ZWILCH: variants seen among roughly 807,000 people sequenced by gnomAD.
The protein encoded by ZWILCH is protein zwilch homolog.
In ZWILCH, 74 loss-of-function variants were observed where a neutral mutation model predicts 79.9. The ratio of observed to expected loss-of-function variants is 0.93; its 90% CI spans 0.77 to 1.12. The LOEUF (loss-of-function observed/expected upper bound fraction) is 1.12, where lower values mean the gene tolerates loss of function less well. Ranked by LOEUF, ZWILCH falls within the 50% of genes most tolerant of loss-of-function variation. ZWILCH has a pLI of 0.00. For synonymous variants in ZWILCH, 241 were observed against 228.2 expected (o/e 1.06, Z -0.51); for missense variants, 694 against 687.5 (o/e 1.01, Z -0.11).
At position 66,540,140 on chromosome 15, in the gene ZWILCH, AAAG is replaced by A. The variant is rs780951842; in HGVS notation, c.1622_1624del (p.Lys541del). ...GGAGAGTGGAAATATATAGTGGTCA[AAAG>A]AAGATTAAGACAGTTTGGCAACTGA... is the stretch of plus-strand genomic sequence containing the variant. On this transcript the variant is annotated inframe_deletion, in exon 17 of 19. Coordinates refer to ENST00000307897, the MANE Select transcript of ZWILCH (RefSeq NM_017975.5). 1.9e-6 allele frequency: 3 copies of A among 1,613,558 alleles called. No homozygotes were observed. Among genetic ancestry groups the A allele is most frequent in the East Asian group, 2.2e-5 (1 of 44,862 alleles).
chr15:66,535,242 G>C (rs1894973186), intron 14 of ZWILCH, among the ~76,000 whole-genome samples: 1 of 152,104 alleles, frequency 6.6e-6, no homozygotes, highest in Admixed American at 6.6e-5. Context: ...CCTCCTGAAG[G>C]TCCTGCCTGA....
chr15:66,514,500 AG>A (rs767673134), intron 3 of ZWILCH: 7 of 155,936 alleles, frequency 4.5e-5, no homozygotes, highest in African/African-American at 7.3e-5. Context: ...TAGTAGAGAA[AG>A]GGTTTCACCA....
At chr15:66,538,467 C>T (rs550628435) in intron 16 of ZWILCH, among the ~76,000 whole-genome samples, 39 of 152,000 alleles carry the variant, frequency 2.6e-4, no homozygotes, top group African/African-American at 8.4e-4. Flanking sequence ...ACTGCAACCA[C>T]AGCCTTCTGG....
intron 14 of ZWILCH, among the ~76,000 whole-genome samples, chr15:66,535,575 C>T (rs1234341125): frequency 6.6e-6 from 1 of 151,536 alleles, no homozygotes; most frequent in Non-Finnish European, 1.5e-5. Flanking sequence ...ACTCAGGAGG[C>T]TAAGGCGGGA....
At chr15:66,505,945 T>A (rs1399580563) in intron 1 of ZWILCH, among the ~76,000 whole-genome samples, 1 of 152,234 alleles carries the variant, frequency 6.6e-6, no homozygotes, top group African/African-American at 2.4e-5. Context: ...TTCTGCATCC[T>A]ATGTAAAAAT....
intron 2 of ZWILCH, among the ~76,000 whole-genome samples, chr15:66,513,576 CTT>C (rs1276845341): frequency 8.3e-5 from 12 of 143,724 alleles, no homozygotes; most frequent in Admixed American, 6.9e-5. Context: ...GACTCTGTCT[CTT>C]TTTTTTTTTT....
intron 14 of ZWILCH, among the ~76,000 whole-genome samples, chr15:66,535,438 G>C (rs61559663): frequency 3.0e-4 from 46 of 152,256 alleles, no homozygotes; most frequent in African/African-American, 1.1e-3. Flanking sequence ...CACTTGGGGA[G>C]GCTGAGGCAG....
intron 1 of ZWILCH, 109 bp downstream of exon 1, chr15:66,505,500 C>A: frequency 1.4e-6 from 2 of 1,391,754 alleles, no homozygotes; most frequent in Non-Finnish European, 2.0e-6. Flanking sequence ...AGCGCTTTGC[C>A]AGCTTTCCTG....
intron 17 of ZWILCH, 108 bp from the exon 18 acceptor site, chr15:66,546,483 C>T: frequency 1.9e-6 from 1 of 532,024 alleles, no homozygotes; most frequent in South Asian, 4.4e-5. Context: ...AGACACATTG[C>T]CATTTAGACC....
Position 66,509,589 on chromosome 15 carries a change from T to A in ZWILCH, c.105+697T>A, listed in dbSNP as rs921632712. Reference sequence around the variant, plus strand: ...ACCAGTTGAAGGACATTGGGTTTTTTCCAGTTTTTGATGATTATGAGAGCT... The same window carrying A: ...ACCAGTTGAAGGACATTGGGTTTTTACCAGTTTTTGATGATTATGAGAGCT... On this transcript the variant is annotated intron_variant, in intron 2 of 18. Coordinates refer to ENST00000307897, the MANE Select transcript of ZWILCH (RefSeq NM_017975.5). Among the ~76,000 whole-genome samples, 4 of 152,176 alleles carry A rather than the reference T, an allele frequency of 2.6e-5. No homozygotes were observed. The East Asian group carries it at 7.7e-4, about 29-fold the overall frequency.
chr15:66,513,642 G>A (rs995155906), intron 2 of ZWILCH, among the ~76,000 whole-genome samples: 6 of 151,672 alleles, frequency 4.0e-5, no homozygotes, highest in Admixed American at 6.6e-5. Context: ...CACGATCTCG[G>A]CTCACTGCAA....
chr15:66,538,307 C>T (rs1353056835), intron 16 of ZWILCH, among the ~76,000 whole-genome samples: 2 of 152,130 alleles, frequency 1.3e-5, no homozygotes, highest in Admixed American at 6.5e-5. Context: ...CCAGTGGATG[C>T]TTTTCAGTAA....
intron 12 of ZWILCH, among the ~76,000 whole-genome samples, chr15:66,531,671 G>A (rs1329654059): frequency 1.3e-5 from 2 of 151,378 alleles, no homozygotes; most frequent in African/African-American, 4.9e-5. Flanking sequence ...TGTCCAGGCT[G>A]GTCTCAAACT....
At chr15:66,506,486 T>C (rs574877131) in intron 1 of ZWILCH, among the ~76,000 whole-genome samples, 1 of 152,236 alleles carries the variant, frequency 6.6e-6, no homozygotes, top group South Asian at 2.1e-4. Flanking sequence ...CTGGCCAACA[T>C]GGCAAGACCC....
chr15:66,517,455 T>TATATATATATAGAGAGAGAG lies in ZWILCH; in HGVS notation c.321-1423_321-1422insTATATATATAGAGAGAGAGA, dbSNP rs1180456312. Among the ~76,000 whole-genome samples the TATATATATATAGAGAGAGAG allele has an allele frequency of 2.4e-4, 28 of 115,206 alleles. No individual in the cohort carries two copies. The East Asian group carries it at 5.1e-3, about 21-fold the overall frequency. The allele number at this position is 115,206 out of a possible 152,430, so 75.6% of individuals were successfully genotyped here. A position where few individuals can be genotyped will look rare whatever the true frequency, so the allele number is the denominator to read the frequency against. ...GTATATATATATATATATATATATA[T>TATATATATATAGAGAGAGAG]AGTAATGTACACACATACACCATTT... On this transcript the variant is annotated intron_variant, in intron 4 of 18. Transcript: ENST00000307897.
chr15:66,530,150 A>G (rs1894815018), intron 12 of ZWILCH, among the ~76,000 whole-genome samples: 1 of 152,246 alleles, frequency 6.6e-6, no homozygotes, highest in Admixed American at 6.5e-5. Flanking sequence ...GTAAATAATG[A>G]TATAGCTACA....
chr15:66,537,381 G>A (rs1249925541), intron 16 of ZWILCH, 118 bp downstream of exon 16: 6 of 622,590 alleles, frequency 9.6e-6, no homozygotes, highest in Middle Eastern at 4.7e-4. Flanking sequence ...AACATAATGA[G>A]ACCCTGTCTC....
At chr15:66,510,045 G>T (rs1893995942) in intron 2 of ZWILCH, among the ~76,000 whole-genome samples, 1 of 150,178 alleles carries the variant, frequency 6.7e-6, no homozygotes, top group South Asian at 2.1e-4. Flanking sequence ...GGGCATGGTG[G>T]CGTGTGCCTG....
intron 2 of ZWILCH, among the ~76,000 whole-genome samples, chr15:66,511,329 C>CAA (rs929492278): frequency 6.7e-6 from 1 of 149,108 alleles, no homozygotes; most frequent in Non-Finnish European, 1.5e-5. Context: ...CTACAAAAAG[C>CAA]AAAAAAAAAT....
Sources: allele counts gnomAD v4.1 joint callset (sites outside exome capture counted in the v4.1 genomes callset), GRCh38; gene constraint gnomAD v4.1.1; transcripts MANE v1.5; gene names NCBI Gene and HGNC (gene_info 2026-07-23, HGNC 2026-07-21).